Variants in BAZ1B observed in about 807,000 individuals in gnomAD.
BAZ1B encodes bromodomain adjacent to zinc finger domain 1B.
In BAZ1B, 22 loss-of-function variants were observed where a neutral mutation model predicts 153.8. The ratio of observed to expected loss-of-function variants is 0.14; its 90% CI spans 0.10 to 0.20. BAZ1B has a LOEUF of 0.20. BAZ1B is among the 10% of genes least tolerant of loss of function. BAZ1B has a pLI of 1.00. For missense variants in BAZ1B, 1,325 were observed against 1,799.3 expected (o/e 0.74, Z 4.77); for synonymous variants, 676 against 633.4 (o/e 1.07, Z -1.01).
Position 73,459,667 on chromosome 7 carries a change from G to A in BAZ1B, c.3301C>T (p.Gln1101Ter). 1 of 1,613,876 alleles carries A rather than the reference G, an allele frequency of 6.2e-7. No individual in the cohort carries two copies. Among genetic ancestry groups the A allele is most frequent in the Non-Finnish European group, 8.5e-7 (1 of 1,179,960 alleles). ...AGAAATTTCTTTATGACACTGGCCT[G>A]AAGGGCAATCACACACTCACCAAAA... is the stretch of plus-strand genomic sequence containing the variant. ...KDFGECVIAL[Q>*]ASVIKKFLQG... is the part of the protein sequence containing the mutation. The change falls in exon 13 of 20, where the codon CAG (glutamine) becomes TAG (stop). Residue 1101 changes from glutamine (Q) to a stop codon, truncating the protein, a stop_gained. Coordinates refer to ENST00000339594, the MANE Select transcript of BAZ1B (RefSeq NM_032408.4). LOFTEE classifies it high-confidence loss of function.
In BAZ1B at chr7:73,462,914, A is replaced by G. The variant is rs781785693; in HGVS notation, c.3249+8T>C. 4 of 1,613,812 alleles carry G rather than the reference A, an allele frequency of 2.5e-6. No individual in the cohort carries two copies. In the South Asian group the frequency reaches 4.4e-5, roughly 18 times the overall value. The stretch of plus-strand genomic sequence containing the variant: ...AGTAATCTAAGGGGGATTTTCTTAT[A>G]TTCCTACCCGGGCTTCAAATTCTGA... On this transcript the variant is annotated splice_region_variant and intron_variant, in intron 12 of 19. Transcript: ENST00000339594.
intron 1 of BAZ1B, among the ~76,000 whole-genome samples, chr7:73,511,643 G>A (rs1013057202): frequency 6.6e-6 from 1 of 151,938 alleles, no homozygotes; most frequent in African/African-American, 2.4e-5. Context: ...ATAAGAAAAA[G>A]TAAAGGTACA....
chr7:73,465,547 C>T lies in BAZ1B; in HGVS notation c.2973-10G>A. 7.0e-7 allele frequency: 1 copy of T among 1,431,654 alleles called. No homozygotes were observed. The highest frequency in any genetic ancestry group is 9.6e-7 in the Non-Finnish European group (1 of 1,045,342). 88.7% of individuals were successfully genotyped at this position (1,431,654 alleles called of 1,614,324 possible). ...ACTATCACATAAAAACCTGTAGGGGCAAAAGAGACCTGATAACTCTGAAAA... is the reference window on the plus strand; with the variant it reads ...ACTATCACATAAAAACCTGTAGGGGTAAAAGAGACCTGATAACTCTGAAAA... On this transcript the variant is annotated splice_polypyrimidine_tract_variant and intron_variant, in intron 10 of 19. Transcript: ENST00000339594.
intron 1 of BAZ1B, 69 bp downstream of exon 1, chr7:73,521,758 C>T: frequency 7.5e-7 from 1 of 1,341,460 alleles, no homozygotes; most frequent in Middle Eastern, 1.9e-4. Context: ...CTGACCTGGT[C>T]TCGCGAGCCC....
chr7:73,446,546 CAAA>C (rs1175189600), intron 16 of BAZ1B, among the ~76,000 whole-genome samples: 8 of 41,532 alleles, frequency 1.9e-4, no homozygotes, highest in Non-Finnish European at 2.2e-4. Flanking sequence ...GAGACCATCT[CAAA>C]AAAAAAAAAA....
intron 3 of BAZ1B, among the ~76,000 whole-genome samples, chr7:73,499,751 C>T (rs1271188253): frequency 6.6e-6 from 1 of 152,154 alleles, no homozygotes; most frequent in Non-Finnish European, 1.5e-5. Flanking sequence ...GACAAACTGA[C>T]TCATTTTTTT....
chr7:73,502,689 G>GA (rs1790182579), intron 3 of BAZ1B, among the ~76,000 whole-genome samples: 1 of 152,126 alleles, frequency 6.6e-6, no homozygotes, highest in African/African-American at 2.4e-5. Flanking sequence ...GAGGTGGGAG[G>GA]ATGGCTTGAG....
chr7:73,457,962 G>C (rs1788263396), intron 13 of BAZ1B, among the ~76,000 whole-genome samples: 1 of 152,158 alleles, frequency 6.6e-6, no homozygotes, highest in African/African-American at 2.4e-5. Context: ...CATCCATCTG[G>C]CTGTTCCTGA....
rs1554571692 is a variant in BAZ1B, at chr7:73,469,566, A to G, written c.2817T>C (p.His939=). 1 of 1,614,092 alleles carries G rather than the reference A, an allele frequency of 6.2e-7. No homozygotes were observed. Among genetic ancestry groups the G allele is most frequent in the Non-Finnish European group, 8.5e-7 (1 of 1,180,036 alleles). ...CAGAGACTGTGTGGTCTTTGCAGTG[A>G]TGGTTGAATCGGTAGTCAATGCTGT... is the stretch of plus-strand genomic sequence containing the variant. The part of the protein sequence containing the change: ...VHDSIDYRFN[H]HCKDHTVSGD... Residue 939 remains histidine (H), a synonymous_variant, in exon 9 of 20, where the codon CAT becomes CAC. Coordinates refer to ENST00000339594, the MANE Select transcript of BAZ1B (RefSeq NM_032408.4).
intron 9 of BAZ1B, among the ~76,000 whole-genome samples, chr7:73,468,972 A>G (rs782434960): frequency 1.4e-4 from 22 of 152,162 alleles, no homozygotes; most frequent in Non-Finnish European, 2.5e-4. Flanking sequence ...CCTACAAAAA[A>G]TACAAAAATT....
intron 12 of BAZ1B, among the ~76,000 whole-genome samples, chr7:73,460,985 T>TC (rs1554570296): frequency 1.3e-5 from 2 of 152,020 alleles, no homozygotes; most frequent in Non-Finnish European, 2.9e-5. Context: ...TTGTTGTTGT[T>TC]GTTTTTTGAG....
intron 6 of BAZ1B, among the ~76,000 whole-genome samples, chr7:73,487,461 T>C (rs182667713): frequency 2.6e-5 from 4 of 152,270 alleles, no homozygotes; most frequent in Admixed American, 2.6e-4. Flanking sequence ...TCAGCTTTTA[T>C]GTCTTAGGAA....
rs1365740339 is a variant in BAZ1B at position 73,477,940 on chromosome 7, A to T, written c.1521T>A (p.Ser507=). 4.3e-6 allele frequency: 7 copies of T among 1,614,066 alleles called. No homozygotes were observed. Among genetic ancestry groups the T allele is most frequent in the Non-Finnish European group, 5.9e-6 (7 of 1,180,042 alleles). The change falls in exon 7 of 20, where the codon TCT becomes TCA. Residue 507 remains serine, a synonymous_variant. Transcript: ENST00000339594. This position sits in a 1 kb window ranked among gnomAD's most constrained non-coding sequence, Gnocchi z 5.6. ...CTGGGAGACGAGCTCTATCTTCACT[A>T]GAGAGAAGACGAGCTGTTTTGGAGA... is the stretch of plus-strand genomic sequence containing the variant. ...CVISKTARLL[S]SEDRARLPEE...
Position 73,463,705 on chromosome 7 carries a change from C to CT in BAZ1B, c.3072-607dup, listed in dbSNP as rs1216217905. Among the ~76,000 whole-genome samples, 762 of 147,518 alleles carry CT rather than the reference C, an allele frequency of 5.2e-3. 7 individuals carry two copies. Among genetic ancestry groups the CT allele is most frequent in the Middle Eastern group, 0.018 (5 of 280 alleles). On this transcript the variant is annotated intron_variant, in intron 11 of 19. Coordinates refer to ENST00000339594, the MANE Select transcript of BAZ1B (RefSeq NM_032408.4). ...TCTGTATACCGACATTTTCCTTTGTCTTTTTTTTTTTGTTGTTTTTGAGAT... is the reference window on the plus strand; with the variant it reads ...TCTGTATACCGACATTTTCCTTTGTCTTTTTTTTTTTTGTTGTTTTTGAGAT...
intron 16 of BAZ1B, among the ~76,000 whole-genome samples, chr7:73,445,372 A>G (rs930189148): frequency 8.5e-5 from 13 of 152,178 alleles, no homozygotes; most frequent in Admixed American, 7.9e-4. Flanking sequence ...CTTGAGCTGC[A>G]CTGGGGAACC....
At chr7:73,480,691 T>A (rs1789165310) in intron 6 of BAZ1B, among the ~76,000 whole-genome samples, 1 of 152,016 alleles carries the variant, frequency 6.6e-6, no homozygotes, top group African/African-American at 2.4e-5. Flanking sequence ...GAGCAACATG[T>A]AAAGAAGAAG....
At position 73,441,322 on chromosome 7, in the gene BAZ1B, A is replaced by G. The variant is rs1207727496; in HGVS notation, c.*387T>C. Reference sequence around the variant, plus strand: ...AAACAAGCAACTTTTAATAACTAGAAAAGTCAATTTAAAAAAAAAATTAAA... The same window carrying G: ...AAACAAGCAACTTTTAATAACTAGAGAAGTCAATTTAAAAAAAAAATTAAA... On this transcript the variant is annotated 3_prime_UTR_variant, in exon 20 of 20. Coordinates refer to ENST00000339594, the MANE Select transcript of BAZ1B (RefSeq NM_032408.4). 3 of 152,570 alleles carry G rather than the reference A, an allele frequency of 2.0e-5. No homozygotes were observed. Among genetic ancestry groups the G allele is most frequent in the African/African-American group, 7.2e-5 (3 of 41,434 alleles). The allele number at this position is 152,570 out of a possible 1,614,324, so 9.5% of individuals were successfully genotyped here.
At chr7:73,481,029 C>T (rs1017409362) in intron 6 of BAZ1B, among the ~76,000 whole-genome samples, 3 of 152,228 alleles carry the variant, frequency 2.0e-5, no homozygotes, top group East Asian at 1.9e-4. Flanking sequence ...CAGGCTCAAG[C>T]GACTCTCCTG....
chr7:73,481,205 G>A (rs936873597), intron 6 of BAZ1B, among the ~76,000 whole-genome samples: 5 of 150,764 alleles, frequency 3.3e-5, no homozygotes, highest in Non-Finnish European at 7.4e-5. Flanking sequence ...TTACAGGCAT[G>A]AGCCACCCAG....
Sources: allele counts gnomAD v4.1 joint callset (sites outside exome capture counted in the v4.1 genomes callset), GRCh38; gene constraint gnomAD v4.1.1; non-coding constraint Gnocchi (gnomAD v3.1); transcripts MANE v1.5; gene names NCBI Gene and HGNC (gene_info 2026-07-23, HGNC 2026-07-21).